Variants in TMEM272 observed in about 807,000 individuals in gnomAD.
TMEM272 encodes transmembrane protein 272.
In TMEM272, 8 loss-of-function variants were observed where a neutral mutation model predicts 3.7. That is an observed-to-expected ratio of 2.17 (90% CI 1.27 to 3.91). TMEM272 has a LOEUF of 3.91. Among genes scored for constraint, TMEM272 ranks in the 30% most tolerant of loss-of-function variants. The pLI is 0.00. For synonymous variants in TMEM272, 63 were observed against 39.8 expected (o/e 1.58, Z -2.20); for missense variants, 166 against 91.5 (o/e 1.81, Z -3.32).
the TMEM272 span, among the ~76,000 whole-genome samples, chr13:51,850,988 ATCCTTCCTCT>A: frequency 6.6e-6 from 1 of 152,132 alleles, no homozygotes; most frequent in African/African-American, 2.4e-5. Context: ...ATGTGACATA[ATCCTTCCTCT>A]GTAGGGGTAT....
chr13:51,872,925 CCT>C, the TMEM272 span, among the ~76,000 whole-genome samples: 2 of 152,148 alleles, frequency 1.3e-5, no homozygotes, highest in Non-Finnish European at 2.9e-5. Flanking sequence ...ACGAATGCCC[CCT>C]CTTCTGGGAA....
intron 1 of TMEM272, among the ~76,000 whole-genome samples, chr13:51,842,945 A>C (rs747632510): frequency 2.0e-5 from 3 of 152,232 alleles, no homozygotes; most frequent in Non-Finnish European, 2.9e-5. Flanking sequence ...TGTAATTAAA[A>C]AGCATAAGCA....
intron 3 of TMEM272, among the ~76,000 whole-genome samples, chr13:51,823,418 TG>T (rs1421410357): frequency 6.6e-6 from 1 of 152,250 alleles, no homozygotes; most frequent in Non-Finnish European, 1.5e-5. Flanking sequence ...ATTCGTTGTT[TG>T]CTTCCTCTGC....
At chr13:51,867,794 G>A in the TMEM272 span, among the ~76,000 whole-genome samples, 1 of 152,168 alleles carries the variant, frequency 6.6e-6, no homozygotes, top group Admixed American at 6.5e-5. Flanking sequence ...ATGGGGAATA[G>A]GATGCAGGGT....
chr13:51,829,056 C>G (rs1392668144), intron 2 of TMEM272, among the ~76,000 whole-genome samples: 1 of 152,206 alleles, frequency 6.6e-6, no homozygotes, highest in Non-Finnish European at 1.5e-5. Context: ...GGGTAGAATA[C>G]ACCCATATCA....
the TMEM272 span, among the ~76,000 whole-genome samples, chr13:51,892,672 G>A: frequency 7.9e-5 from 12 of 152,174 alleles, no homozygotes; most frequent in East Asian, 2.1e-3. Flanking sequence ...GCCTCTTCTT[G>A]GCTTCCATTT....
chr13:51,847,812 A>G (rs1429034834), upstream of TMEM272, among the ~76,000 whole-genome samples: 1 of 152,152 alleles, frequency 6.6e-6, no homozygotes, highest in Non-Finnish European at 1.5e-5. Context: ...CCTGACATCA[A>G]AACAAACAAA....
chr13:51,905,212 G>C, the TMEM272 span, among the ~76,000 whole-genome samples: 1 of 152,188 alleles, frequency 6.6e-6, no homozygotes, highest in African/African-American at 2.4e-5. Flanking sequence ...CAGGGAGAGA[G>C]ACTGTCCTCC....
chr13:51,915,608 C>T, the TMEM272 span, among the ~76,000 whole-genome samples: 1 of 152,230 alleles, frequency 6.6e-6, no homozygotes, highest in Non-Finnish European at 1.5e-5. Flanking sequence ...ACGCCCCTGT[C>T]ACCATGCCCC....
the TMEM272 span, among the ~76,000 whole-genome samples, chr13:51,912,094 C>T: frequency 1.3e-5 from 2 of 152,126 alleles, no homozygotes; most frequent in Non-Finnish European, 2.9e-5. Context: ...TTCCTTCCTT[C>T]GTCTTTCTCC....
the TMEM272 span, among the ~76,000 whole-genome samples, chr13:51,922,855 A>G: frequency 6.6e-6 from 1 of 152,004 alleles, no homozygotes; most frequent in African/African-American, 2.4e-5. Context: ...TTCCTCTATC[A>G]TTGCATCTCC....
At chr13:51,931,402 C>T in the TMEM272 span, among the ~76,000 whole-genome samples, 3 of 150,938 alleles carry the variant, frequency 2.0e-5, no homozygotes, top group Admixed American at 6.6e-5. Flanking sequence ...GAAAACCAAA[C>T]ACCACATATT....
the TMEM272 span, among the ~76,000 whole-genome samples, chr13:51,899,564 G>A: frequency 6.6e-6 from 1 of 151,280 alleles, no homozygotes; most frequent in Non-Finnish European, 1.5e-5. Flanking sequence ...TATTAAGACG[G>A]CAATATTTCC....
In TMEM272 at chr13:51,816,908, G is replaced by T. The variant is rs781505819; in HGVS notation, c.407C>A (p.Pro136His). 16 of 702,912 alleles carry T rather than the reference G, an allele frequency of 2.3e-5. No individual in the cohort carries two copies. Among genetic ancestry groups the T allele is most frequent in the Non-Finnish European group, 4.2e-5 (16 of 385,014 alleles). The allele number at this position is 702,912 out of a possible 1,614,324, so 43.5% of individuals were successfully genotyped here. The change falls in exon 5 of 5, where the codon CCC becomes CAC. Residue 136 changes from proline to histidine, a missense_variant. Pro to His is a moderately conservative substitution (Grantham distance 77, BLOSUM62 -2). Coordinates refer to ENST00000629372, the MANE Select transcript of TMEM272 (RefSeq NM_001351003.2). The part of the protein sequence containing the change: ...VFSVYLPDFL[P>H]PFQQPQDYCD... Reference sequence around the variant, plus strand: ...GTAGTCCTGAGGCTGCTGGAAAGGGGGAAGAAAATCAGGCAGGTACACAGA... The same window carrying T: ...GTAGTCCTGAGGCTGCTGGAAAGGGTGAAGAAAATCAGGCAGGTACACAGA...
chr13:51,895,414 A>C, the TMEM272 span, among the ~76,000 whole-genome samples: 3 of 152,152 alleles, frequency 2.0e-5, no homozygotes, highest in African/African-American at 7.2e-5. Context: ...TAGTAACTGC[A>C]GGGAAATCGA....
the TMEM272 span, among the ~76,000 whole-genome samples, chr13:51,902,250 G>C: frequency 7.2e-5 from 11 of 152,344 alleles, no homozygotes; most frequent in African/African-American, 2.6e-4. Context: ...CAGTTGCCTT[G>C]TTACATTTTC....
In TMEM272 at chr13:51,815,993, T is replaced by C. The variant is rs1956020075; in HGVS notation, c.*758A>G. 6.6e-6 allele frequency: 1 copy of C among 152,180 alleles called. No individual in the cohort carries two copies. Among genetic ancestry groups the C allele is most frequent in the Non-Finnish European group, 1.5e-5 (1 of 68,156 alleles). 9.4% of individuals were successfully genotyped at this position (152,180 alleles called of 1,614,324 possible). ...CAGCCAGCCGCAGATCATAGAGAGG[T>C]ACTTGAATAGCCAGAGGCAGAGACA... On this transcript the variant is annotated 3_prime_UTR_variant, in exon 5 of 5. Transcript: ENST00000629372.
At chr13:51,886,876 T>C in the TMEM272 span, among the ~76,000 whole-genome samples, 2 of 152,240 alleles carry the variant, frequency 1.3e-5, no homozygotes, top group Non-Finnish European at 2.9e-5. Context: ...TTCTGAATGA[T>C]AAGACTGCAA....
the TMEM272 span, among the ~76,000 whole-genome samples, chr13:51,917,800 C>T: frequency 2.0e-5 from 3 of 152,334 alleles, no homozygotes; most frequent in Non-Finnish European, 2.9e-5. Context: ...ATCACAATAT[C>T]ATCACAATTC....
Sources: gnomAD v4.1 joint callset for allele counts (sites outside exome capture counted in the v4.1 genomes callset) on GRCh38, gnomAD v4.1.1 for gene constraint, MANE v1.5 for transcripts, NCBI Gene and HGNC (gene_info 2026-07-23, HGNC 2026-07-21) for gene names.